RBFOX1: variants seen among roughly 807,000 people sequenced by gnomAD.
The protein encoded by RBFOX1 is RNA binding protein fox-1 homolog 1.
A neutral mutation model predicts 57.7 loss-of-function variants in RBFOX1; 8 were observed. That is an observed-to-expected ratio of 0.14 (90% CI 0.08 to 0.25). The LOEUF is 0.25. RBFOX1 is among the 10% of genes least tolerant of loss of function. The probability of loss-of-function intolerance (pLI) is 1.00; values close to 1 mark genes in which losing one functional copy is unlikely to be tolerated. For missense variants in RBFOX1, 611 were observed against 548.5 expected, an observed-to-expected ratio of 1.11 and a Z score of -1.14; for synonymous variants, 326 against 222.4, an observed-to-expected ratio of 1.47 and a Z score of -4.15.
chr16:6,105,756 T>C (rs1453470471), intron 1 of RBFOX1, among the ~76,000 whole-genome samples: 1 of 152,088 alleles, frequency 6.6e-6, no homozygotes, highest in Non-Finnish European at 1.5e-5. Flanking sequence ...ATCATTCTGA[T>C]GGATTTACCT....
At chr16:6,543,169 G>A (rs1400851872) in intron 2 of RBFOX1, among the ~76,000 whole-genome samples, 2 of 152,168 alleles carry the variant, frequency 1.3e-5, no homozygotes, top group Non-Finnish European at 2.9e-5. Context: ...TCCCTTAGGT[G>A]GAACATGGCA....
At chr16:5,281,966 T>A (rs1240215633) in intron 1 of RBFOX1, among the ~76,000 whole-genome samples, 3 of 152,216 alleles carry the variant, frequency 2.0e-5, no homozygotes, top group Non-Finnish European at 4.4e-5. Flanking sequence ...CATTGTTTTC[T>A]GGTTATTTTG....
chr16:6,700,265 G>T (rs1444805544), intron 3 of RBFOX1, among the ~76,000 whole-genome samples: 2 of 151,852 alleles, frequency 1.3e-5, no homozygotes, highest in Non-Finnish European at 2.9e-5. Flanking sequence ...CTCAATAGCT[G>T]AACCCAAGGC....
chr16:7,608,201 A>T (rs1440438346), intron 10 of RBFOX1, among the ~76,000 whole-genome samples: 1 of 152,040 alleles, frequency 6.6e-6, no homozygotes, highest in East Asian at 1.9e-4. Flanking sequence ...TCCCTTAGTA[A>T]CCTCTTGACG....
chr16:7,096,597 A>G (rs2061733846), intron 4 of RBFOX1, among the ~76,000 whole-genome samples: 1 of 152,040 alleles, frequency 6.6e-6, no homozygotes, highest in Non-Finnish European at 1.5e-5. Context: ...CCTGTGTAAA[A>G]TATTTGCTGT....
intron 3 of RBFOX1, among the ~76,000 whole-genome samples, chr16:5,760,017 A>C (rs1261197263): frequency 6.6e-6 from 1 of 152,014 alleles, no homozygotes; most frequent in Non-Finnish European, 1.5e-5. Context: ...TAAAAAAAAA[A>C]AAAAACCTTG....
At chr16:7,214,985 C>G (rs1012295638) in intron 4 of RBFOX1, among the ~76,000 whole-genome samples, 2 of 152,090 alleles carry the variant, frequency 1.3e-5, no homozygotes, top group African/African-American at 2.4e-5. Flanking sequence ...GTTTGCTGCA[C>G]CTATCAACCC....
chr16:6,654,535 A>C (rs758444355), intron 2 of RBFOX1, 68 bp from the exon 3 acceptor site: 51 of 1,260,502 alleles, frequency 4.0e-5, no homozygotes, highest in Non-Finnish European at 5.1e-5. Context: ...ACACCACTGA[A>C]TGTTCTCTGA....
rs1179469330 is a variant in RBFOX1, at chr16:7,407,402, GTGTA to G, written c.28-110741_28-110738del. Among the ~76,000 whole-genome samples, 300 of 137,512 alleles carry G rather than the reference GTGTA, an allele frequency of 2.2e-3. 4 individuals are homozygous for G. In the South Asian group the frequency reaches 0.023, roughly 11 times the overall value. 90.2% of individuals were successfully genotyped at this position (137,512 alleles called of 152,430 possible). On this transcript the variant is annotated intron_variant, in intron 4 of 15. Transcript: ENST00000550418. ...TGTGTGTGTGTGTGTGTGTGTGTGT[GTGTA>G]TGTGTGTGGTGCAGAGAAGAATGGC...
At chr16:6,187,773 G>A (rs2097114445) in intron 1 of RBFOX1, among the ~76,000 whole-genome samples, 1 of 152,108 alleles carries the variant, frequency 6.6e-6, no homozygotes, top group South Asian at 2.1e-4. Context: ...GGAGGGGCAG[G>A]CTAGGATAAC....
chr16:6,280,811 A>G (rs1470401207), intron 1 of RBFOX1, among the ~76,000 whole-genome samples: 1 of 152,068 alleles, frequency 6.6e-6, no homozygotes, highest in Non-Finnish European at 1.5e-5. Flanking sequence ...GCTTACCAAC[A>G]GAAAATCCCG....
intron 3 of RBFOX1, among the ~76,000 whole-genome samples, chr16:6,980,993 A>G (rs1322856370): frequency 1.5e-5 from 2 of 133,794 alleles, no homozygotes; most frequent in Admixed American, 1.7e-4. Context: ...CAGTCTGCCG[A>G]GATCACGCCA....
intron 3 of RBFOX1, among the ~76,000 whole-genome samples, chr16:5,742,771 G>A (rs772124590): frequency 2.0e-5 from 3 of 152,200 alleles, no homozygotes; most frequent in Non-Finnish European, 2.9e-5. Flanking sequence ...GGAAGAAGGA[G>A]GCTTCAAATT....
Position 6,740,640 on chromosome 16 carries a change from C to G in RBFOX1, c.-16+85990C>G, listed in dbSNP as rs563277263. Among the ~76,000 whole-genome samples the G allele has an allele frequency of 6.6e-4, 101 of 152,080 alleles. 2 individuals are homozygous for G. Among genetic ancestry groups the G allele is most frequent in the Admixed American group, 2.1e-3 (32 of 15,258 alleles). The stretch of plus-strand genomic sequence containing the variant: ...AAAATACAATACAATTTTAATCACC[C>G]AGAAAAAAGGGAAATATTTAGGTGT... On this transcript the variant is annotated intron_variant, in intron 3 of 15. Coordinates refer to ENST00000550418, the MANE Select transcript of RBFOX1 (RefSeq NM_018723.4).
chr16:6,855,975 T>C (rs1240918004), intron 3 of RBFOX1, among the ~76,000 whole-genome samples: 1 of 152,094 alleles, frequency 6.6e-6, no homozygotes. Flanking sequence ...CAAAGACTCC[T>C]GCCTAATACA....
intron 1 of RBFOX1, among the ~76,000 whole-genome samples, chr16:6,228,034 G>A (rs1454561272): frequency 1.3e-5 from 2 of 152,184 alleles, no homozygotes; most frequent in African/African-American, 4.8e-5. Flanking sequence ...GATATGGCCA[G>A]GCACGGTGGC....
intron 4 of RBFOX1, among the ~76,000 whole-genome samples, chr16:7,308,759 G>T (rs2096248880): frequency 6.6e-6 from 1 of 152,188 alleles, no homozygotes. Flanking sequence ...GGGAAGATGG[G>T]CTCTCGCGCG....
chr16:6,500,543 C>G (rs2095879909), intron 2 of RBFOX1, among the ~76,000 whole-genome samples: 1 of 152,132 alleles, frequency 6.6e-6, no homozygotes, highest in Non-Finnish European at 1.5e-5. Context: ...CAGGAATGTT[C>G]CATAATATTC....
Position 5,819,675 on chromosome 16 carries a change from A to G in RBFOX1, c.319-47628A>G, listed in dbSNP as rs200626731. ...AAGTTGTGTCTCCAGGCCCTTATCTATGCTGCTCCCACTGCCTGGAATACC... is the reference window on the plus strand; with the variant it reads ...AAGTTGTGTCTCCAGGCCCTTATCTGTGCTGCTCCCACTGCCTGGAATACC... On this transcript the variant is annotated intron_variant, in intron 3 of 19. Transcript: ENST00000641259. 8.5e-5 allele frequency among the ~76,000 whole-genome samples: 13 copies of G among 152,324 alleles called. No homozygotes were observed. In the East Asian group the frequency reaches 2.3e-3, roughly 27 times the overall value.
Sources: gnomAD v4.1 joint callset for allele counts (sites outside exome capture counted in the v4.1 genomes callset) on GRCh38, gnomAD v4.1.1 for gene constraint, MANE v1.5 for transcripts, NCBI Gene and HGNC (gene_info 2026-07-23, HGNC 2026-07-21) for gene names.